Variants in KSR2 observed in about 807,000 individuals in gnomAD.
KSR2 encodes kinase suppressor of ras 2.
Under a neutral mutation model 107.8 loss-of-function variants are expected in KSR2, and 25 were observed. The ratio of observed to expected loss-of-function variants is 0.23; its 90% CI spans 0.17 to 0.32. The LOEUF (loss-of-function observed/expected upper bound fraction) is 0.32. Ranked by LOEUF, KSR2 falls within the 10% of genes least tolerant of loss-of-function variation. The pLI is 1.00. For synonymous variants in KSR2, 480 were observed against 507.0 expected, an observed-to-expected ratio of 0.95 and a Z score of 0.71; for missense variants, 887 against 1,268.9, an observed-to-expected ratio of 0.70 and a Z score of 4.57.
intron 5 of KSR2, among the ~76,000 whole-genome samples, chr12:117,653,333 C>A (rs754027566): frequency 6.6e-6 from 1 of 152,258 alleles, no homozygotes; most frequent in African/African-American, 2.4e-5. Context: ...TTTCTCCATT[C>A]CTGTCCATAA....
chr12:117,596,549 T>C (rs1256662961), intron 5 of KSR2, among the ~76,000 whole-genome samples: 3 of 152,192 alleles, frequency 2.0e-5, no homozygotes, highest in Admixed American at 6.5e-5. Flanking sequence ...CTTTTCACTA[T>C]TGGGTCTCCT....
At chr12:117,733,254 G>A (rs1286435279) in intron 4 of KSR2, among the ~76,000 whole-genome samples, 2 of 152,088 alleles carry the variant, frequency 1.3e-5, no homozygotes, top group South Asian at 2.1e-4. Context: ...ACCCCATGCC[G>A]TACCACACAT....
intron 1 of KSR2, among the ~76,000 whole-genome samples, chr12:117,936,530 TTATTAGTAG>T (rs1194985625): frequency 0.014 from 1,570 of 115,230 alleles, 13 homozygotes; most frequent in African/African-American, 0.034. Context: ...ATTATTATTA[TTATTAGTAG>T]TAGTAGTAGT....
chr12:117,723,462 CTG>C (rs1450875592), intron 4 of KSR2, among the ~76,000 whole-genome samples: 1 of 152,080 alleles, frequency 6.6e-6, no homozygotes, highest in Non-Finnish European at 1.5e-5. Context: ...GAGGAATAAA[CTG>C]AGGCTCAGAA....
chr12:117,504,932 C>T (rs1398019250), intron 14 of KSR2, among the ~76,000 whole-genome samples: 4 of 152,156 alleles, frequency 2.6e-5, no homozygotes, highest in Admixed American at 2.6e-4. Context: ...CATTCCGAGT[C>T]TCCAAAGCCT....
intron 4 of KSR2, among the ~76,000 whole-genome samples, chr12:117,690,717 C>T (rs1033077215): frequency 6.6e-6 from 1 of 152,222 alleles, no homozygotes; most frequent in Non-Finnish European, 1.5e-5. Context: ...ATGTCTTGAA[C>T]TAACTGCTGC....
At chr12:117,622,871 C>T (rs1369310303) in intron 5 of KSR2, among the ~76,000 whole-genome samples, 2 of 152,166 alleles carry the variant, frequency 1.3e-5, no homozygotes, top group African/African-American at 4.8e-5. Context: ...AAGAAGAAAG[C>T]ATGAATACTG....
At chr12:117,953,252 G>A (rs553485837) in intron 1 of KSR2, among the ~76,000 whole-genome samples, 1 of 152,300 alleles carries the variant, frequency 6.6e-6, no homozygotes, top group South Asian at 2.1e-4. Context: ...TGCAGCCACT[G>A]TGGCAAACAT....
At chr12:117,570,578 T>C (rs995162426) in intron 7 of KSR2, among the ~76,000 whole-genome samples, 16 of 152,360 alleles carry the variant, frequency 1.1e-4, no homozygotes, top group South Asian at 8.3e-4. Flanking sequence ...AGAACTTCGA[T>C]GTTGCTTCAA....
At chr12:117,575,920 T>TGGCACAC (rs1258707089) in intron 7 of KSR2, among the ~76,000 whole-genome samples, 2 of 152,242 alleles carry the variant, frequency 1.3e-5, no homozygotes, top group African/African-American at 4.8e-5. Flanking sequence ...AGCCCTATGA[T>TGGCACAC]GGCACACCTC....
chr12:117,823,648 G>C (rs1013624486), intron 3 of KSR2, among the ~76,000 whole-genome samples: 1 of 152,164 alleles, frequency 6.6e-6, no homozygotes, highest in Non-Finnish European at 1.5e-5. Context: ...AGAGGTAGGA[G>C]GAAGACCAGG....
At chr12:117,627,572 T>G (rs560335931) in intron 5 of KSR2, among the ~76,000 whole-genome samples, 2 of 152,374 alleles carry the variant, frequency 1.3e-5, no homozygotes, top group African/African-American at 4.8e-5. Context: ...AGAGATCCAC[T>G]GTTAGTCTGA....
chr12:117,649,150 C>G (rs903510607), intron 5 of KSR2, among the ~76,000 whole-genome samples: 17 of 152,150 alleles, frequency 1.1e-4, no homozygotes, highest in African/African-American at 4.1e-4. Context: ...GTTGAGTGAT[C>G]TAACAAGAGC....
At chr12:117,544,588 C>T (rs1467785004) in intron 9 of KSR2, among the ~76,000 whole-genome samples, 1 of 150,958 alleles carries the variant, frequency 6.6e-6, no homozygotes, top group East Asian at 1.9e-4. Context: ...CACTGCACTC[C>T]AGCCTGGGTG....
chr12:117,715,675 C>A (rs1363766712), intron 4 of KSR2, among the ~76,000 whole-genome samples: 7 of 152,148 alleles, frequency 4.6e-5, no homozygotes, highest in Non-Finnish European at 8.8e-5. Context: ...ATGTCTGTTG[C>A]AATTACTCAT....
intron 7 of KSR2, among the ~76,000 whole-genome samples, chr12:117,567,180 C>T (rs538004787): frequency 4.8e-4 from 73 of 152,274 alleles, no homozygotes; most frequent in African/African-American, 1.6e-3. Context: ...CAGAAAAGGG[C>T]AGAAGGTGGC....
At chr12:117,528,886 ACT>A (rs1182938230) in intron 12 of KSR2, among the ~76,000 whole-genome samples, 2 of 152,054 alleles carry the variant, frequency 1.3e-5, no homozygotes, top group African/African-American at 2.4e-5. Context: ...GCAGCTATTG[ACT>A]CTGTTTTTCG....
intron 14 of KSR2, among the ~76,000 whole-genome samples, chr12:117,494,938 C>T (rs926656467): frequency 1.3e-5 from 2 of 152,230 alleles, no homozygotes; most frequent in Non-Finnish European, 2.9e-5. Context: ...CAACGTGTGG[C>T]ATGCTTGAGT....
At chr12:117,676,951 T>G (rs1885146676) in intron 4 of KSR2, among the ~76,000 whole-genome samples, 1 of 152,182 alleles carries the variant, frequency 6.6e-6, no homozygotes, top group East Asian at 1.9e-4. Flanking sequence ...GTACAAATGC[T>G]ATGACTTGAA....
Sources: allele counts gnomAD v4.1 joint callset (sites outside exome capture counted in the v4.1 genomes callset), GRCh38; gene constraint gnomAD v4.1.1; transcripts MANE v1.5; gene names NCBI Gene and HGNC (gene_info 2026-07-23, HGNC 2026-07-21).